Variants in RAB31 observed in about 807,000 individuals in gnomAD.
RAB31 encodes the protein RAB31, member RAS oncogene family.
A neutral mutation model predicts 25.6 loss-of-function variants in RAB31; 21 were observed. That is an observed-to-expected ratio of 0.82 (90% confidence interval 0.58 to 1.18). The LOEUF is 1.18. Ranked by LOEUF, RAB31 falls within the 50% of genes most tolerant of loss-of-function variation. The probability of loss-of-function intolerance (pLI) is 0.00; values close to 1 mark genes in which losing one functional copy is unlikely to be tolerated. For missense variants in RAB31, 196 were observed against 250.1 expected (o/e 0.78, Z 1.46); for synonymous variants, 87 against 84.0 (o/e 1.04, Z -0.20).
chr18:9,778,261 C>CCTTG (rs2068383670), intron 2 of RAB31, among the ~76,000 whole-genome samples: 1 of 151,974 alleles, frequency 6.6e-6, no homozygotes, highest in Admixed American at 6.5e-5. Context: ...CTTGTGGTGG[C>CCTTG]AGGAGCCGTG....
intron 3 of RAB31, among the ~76,000 whole-genome samples, chr18:9,812,144 C>G (rs575363916): frequency 1.3e-5 from 2 of 152,286 alleles, no homozygotes; most frequent in South Asian, 4.1e-4. Flanking sequence ...CCATCTGTGA[C>G]CTCATCTAAC....
At chr18:9,848,381 T>C (rs1427126222) in intron 6 of RAB31, among the ~76,000 whole-genome samples, 1 of 152,182 alleles carries the variant, frequency 6.6e-6, no homozygotes, top group Non-Finnish European at 1.5e-5. Context: ...TACATCTGTC[T>C]GTCTAGTCAT....
chr18:9,709,348 G>A (rs1272205731), intron 1 of RAB31, among the ~76,000 whole-genome samples: 2 of 152,126 alleles, frequency 1.3e-5, no homozygotes, highest in Non-Finnish European at 2.9e-5. Context: ...AAGAAGAGCC[G>A]GTTCTAAGGG....
intron 6 of RAB31, among the ~76,000 whole-genome samples, chr18:9,847,630 T>C (rs1354777866): frequency 1.3e-5 from 2 of 152,178 alleles, no homozygotes; most frequent in African/African-American, 4.8e-5. Flanking sequence ...TGGAGTGCAG[T>C]AGTGCAATCA....
At chr18:9,781,428 T>C (rs2068403706) in intron 2 of RAB31, among the ~76,000 whole-genome samples, 1 of 152,192 alleles carries the variant, frequency 6.6e-6, no homozygotes, top group Non-Finnish European at 1.5e-5. Flanking sequence ...GCAATTCTCA[T>C]GCCTCAGCCT....
At chr18:9,721,130 C>T (rs922010719) in intron 1 of RAB31, among the ~76,000 whole-genome samples, 1 of 152,028 alleles carries the variant, frequency 6.6e-6, no homozygotes, top group Non-Finnish European at 1.5e-5. Context: ...CCTGTCTATC[C>T]GTCTTAGGGT....
chr18:9,789,822 T>C (rs2068451241), intron 2 of RAB31, among the ~76,000 whole-genome samples: 3 of 152,216 alleles, frequency 2.0e-5, no homozygotes, highest in Admixed American at 2.0e-4. Flanking sequence ...GTGGTTTTGA[T>C]ACTACTGGAT....
At chr18:9,853,565 G>T (rs1230326876) in intron 6 of RAB31, among the ~76,000 whole-genome samples, 1 of 152,128 alleles carries the variant, frequency 6.6e-6, no homozygotes, top group East Asian at 1.9e-4. Flanking sequence ...GGATTTTTAG[G>T]GCAGTGAAAC....
chr18:9,749,599 T>C (rs2068223843), intron 1 of RAB31, among the ~76,000 whole-genome samples: 1 of 152,220 alleles, frequency 6.6e-6, no homozygotes, highest in Middle Eastern at 3.2e-3. Context: ...TCCCAGGGGC[T>C]CTACCTTACT....
intron 1 of RAB31, among the ~76,000 whole-genome samples, chr18:9,714,043 T>C (rs1042593211): frequency 2.6e-5 from 4 of 152,230 alleles, no homozygotes; most frequent in Non-Finnish European, 4.4e-5. Flanking sequence ...AATTCCATAG[T>C]ACCTTGTCAA....
intron 5 of RAB31, among the ~76,000 whole-genome samples, chr18:9,834,232 C>T (rs143066659): frequency 7.0e-4 from 106 of 152,300 alleles, no homozygotes; most frequent in African/African-American, 2.5e-3. Context: ...ACTCTTGCCT[C>T]AGCCTCCCTA....
intron 1 of RAB31, among the ~76,000 whole-genome samples, chr18:9,721,266 G>A (rs747183292): frequency 2.6e-5 from 4 of 152,134 alleles, no homozygotes; most frequent in African/African-American, 4.8e-5. Flanking sequence ...CAACGTTAAC[G>A]TCATTAATAC....
At chr18:9,758,972 G>A (rs1363119950) in intron 1 of RAB31, among the ~76,000 whole-genome samples, 1 of 152,082 alleles carries the variant, frequency 6.6e-6, no homozygotes, top group Non-Finnish European at 1.5e-5. Context: ...AGGAAGTAGG[G>A]CAGTAGAAGA....
At chr18:9,778,131 G>GT (rs1457812449) in intron 2 of RAB31, among the ~76,000 whole-genome samples, 2 of 152,150 alleles carry the variant, frequency 1.3e-5, no homozygotes, top group Non-Finnish European at 2.9e-5. Flanking sequence ...AATGACAAGC[G>GT]TAAGTGTTAA....
chr18:9,719,298 AATAT>A (rs71168101), intron 1 of RAB31, among the ~76,000 whole-genome samples: 320 of 23,062 alleles, frequency 0.014, 11 homozygotes, highest in South Asian at 0.032. Context: ...AAAAAAAAAA[AATAT>A]ATATATATAT....
In RAB31 at chr18:9,708,536, C is replaced by T. The variant is rs140545742; in HGVS notation, c.39+92C>T. The T allele has an allele frequency of 1.8e-3, 2,059 of 1,151,130 alleles. 2 individuals are homozygous for T. The highest frequency in any genetic ancestry group is 2.2e-3 in the Non-Finnish European group (1,892 of 849,222). 71.3% of individuals were successfully genotyped at this position (1,151,130 alleles called of 1,614,324 possible). On this transcript the variant is annotated intron_variant, in intron 1 of 6. Transcript: ENST00000578921. This position sits in a 1 kb window ranked among gnomAD's most constrained non-coding sequence, Gnocchi z 6.4. ...TCCCTGCGCGCTCAGTCCCCGTGAT[C>T]CCCTCGCTCTCCGCACCCCTCTCGT...
intron 5 of RAB31, among the ~76,000 whole-genome samples, chr18:9,822,709 A>G (rs781291196): frequency 2.6e-5 from 4 of 152,222 alleles, no homozygotes; most frequent in Non-Finnish European, 4.4e-5. Flanking sequence ...GGCGACGTTC[A>G]ATATCATCAT....
chr18:9,734,102 A>AGGAGGGGGGGAG (rs2068137461), intron 1 of RAB31, among the ~76,000 whole-genome samples: 1 of 49,068 alleles, frequency 2.0e-5, no homozygotes, highest in Non-Finnish European at 3.7e-5. Context: ...GGTGGCGGGG[A>AGGAGGGGGGGAG]GGAGGGAGGG....
At chr18:9,817,805 A>T (rs994746278) in intron 5 of RAB31, among the ~76,000 whole-genome samples, 1 of 152,178 alleles carries the variant, frequency 6.6e-6, no homozygotes, top group Non-Finnish European at 1.5e-5. Context: ...TGATTCTTAT[A>T]TGTGCAATTT....
Sources: allele counts gnomAD v4.1 joint callset (sites outside exome capture counted in the v4.1 genomes callset), GRCh38; gene constraint gnomAD v4.1.1; non-coding constraint Gnocchi (gnomAD v3.1); transcripts MANE v1.5; gene names NCBI Gene and HGNC (gene_info 2026-07-23, HGNC 2026-07-21).